Variants in SRPK2 observed in about 807,000 individuals in gnomAD.
SRPK2 encodes the protein SRSF protein kinase 2.
Under a neutral mutation model 90.8 loss-of-function variants are expected in SRPK2, and 21 were observed. The ratio of observed to expected loss-of-function variants is 0.23; its 90% CI spans 0.16 to 0.33. The LOEUF (loss-of-function observed/expected upper bound fraction) is 0.33. Ranked by LOEUF, SRPK2 falls within the 10% of genes least tolerant of loss-of-function variation. SRPK2 has a pLI of 1.00. For synonymous variants in SRPK2, 288 were observed against 311.1 expected, an observed-to-expected ratio of 0.93 and a Z score of 0.78; for missense variants, 620 against 869.0, an observed-to-expected ratio of 0.71 and a Z score of 3.60.
intron 2 of SRPK2, among the ~76,000 whole-genome samples, chr7:105,255,515 G>A (rs1212100316): frequency 6.6e-6 from 1 of 152,078 alleles, no homozygotes; most frequent in African/African-American, 2.4e-5. Context: ...ATAATGAGGT[G>A]GCAGTTTTGA....
chr7:105,169,914 G>C (rs1039266959), intron 3 of SRPK2, among the ~76,000 whole-genome samples: 4 of 152,066 alleles, frequency 2.6e-5, no homozygotes, highest in Non-Finnish European at 4.4e-5. Context: ...TTCCCAGGCT[G>C]AAGAGGTCCT....
At chr7:105,134,761 G>A (rs1454226898) in intron 11 of SRPK2, among the ~76,000 whole-genome samples, 1 of 152,210 alleles carries the variant, frequency 6.6e-6, no homozygotes, top group Non-Finnish European at 1.5e-5. Flanking sequence ...CCCTAGGGGG[G>A]CTCCAGAGGA....
In SRPK2 at chr7:105,117,767, T is replaced by TGA; in HGVS notation, c.*69_*70dup. The TGA allele has an allele frequency of 6.6e-7, 1 of 1,506,836 alleles. No individual in the cohort carries two copies. Among genetic ancestry groups the TGA allele is most frequent in the Non-Finnish European group, 9.2e-7 (1 of 1,092,094 alleles). 93.3% of individuals were successfully genotyped at this position (1,506,836 alleles called of 1,614,324 possible). A position where few individuals can be genotyped will look rare whatever the true frequency, so the allele number is the denominator to read the frequency against. ...GCTCACTTGTAATCCTGTTAAAGAA[T>TGA]GAGAGTCACCGTTTAGGTCCAATGT... On this transcript the variant is annotated 3_prime_UTR_variant, in exon 16 of 16. Transcript: ENST00000393651.
intron 2 of SRPK2, among the ~76,000 whole-genome samples, chr7:105,262,440 G>C (rs533253111): frequency 1.3e-5 from 2 of 152,276 alleles, no homozygotes; most frequent in South Asian, 2.1e-4. Flanking sequence ...GTGGCTCCAA[G>C]GCGGACGGCT....
intron 2 of SRPK2, among the ~76,000 whole-genome samples, chr7:105,317,924 T>A (rs1398123065): frequency 2.6e-5 from 4 of 151,692 alleles, no homozygotes; most frequent in Non-Finnish European, 4.4e-5. Flanking sequence ...AATTTTTGTA[T>A]TTTTTTAGTA....
intron 2 of SRPK2, among the ~76,000 whole-genome samples, chr7:105,326,213 G>T (rs965507376): frequency 1.3e-5 from 2 of 152,182 alleles, no homozygotes; most frequent in Non-Finnish European, 2.9e-5. Context: ...ACCTGGCCAA[G>T]CCACATTACA....
intron 8 of SRPK2, 145 bp downstream of exon 8, chr7:105,146,348 T>C (rs2009788334): frequency 9.7e-6 from 7 of 720,820 alleles, no homozygotes; most frequent in Admixed American, 9.2e-5. Flanking sequence ...GCATTTTCCA[T>C]TTCAAGGGTG....
intron 2 of SRPK2, among the ~76,000 whole-genome samples, chr7:105,360,427 G>A (rs1231784713): frequency 6.6e-6 from 1 of 152,178 alleles, no homozygotes; most frequent in Non-Finnish European, 1.5e-5. Flanking sequence ...TATGATGTTA[G>A]CTGGTTATTT....
At chr7:105,181,146 T>A (rs1051782752) in intron 3 of SRPK2, among the ~76,000 whole-genome samples, 1 of 152,086 alleles carries the variant, frequency 6.6e-6, no homozygotes, top group African/African-American at 2.4e-5. Flanking sequence ...ATTAGAGAAA[T>A]GCAAATTGAA....
In SRPK2 at chr7:105,203,776, A is replaced by T. The variant is rs753113715; in HGVS notation, c.81T>A (p.Pro27=). The change falls in exon 3 of 16, where the codon CCT becomes CCA. Residue 27 remains proline (P), a synonymous_variant. Coordinates refer to ENST00000393651, the MANE Select transcript of SRPK2 (RefSeq NM_182692.3). ...GAGGAACTAAAGGAGCTTTCTGTTG[A>T]GGCTCCGGCCTGAAAGAGCAGAGAG... ...KREKHPKKPE[P]QQKAPLVPPP... is the part of the protein sequence containing the mutation. The T allele has an allele frequency of 6.3e-7, 1 of 1,587,016 alleles. No individual in the cohort carries two copies. Among genetic ancestry groups the T allele is most frequent in the Non-Finnish European group, 8.6e-7 (1 of 1,166,208 alleles).
At chr7:105,224,301 T>C (rs1329595947) in intron 2 of SRPK2, among the ~76,000 whole-genome samples, 2 of 152,222 alleles carry the variant, frequency 1.3e-5, no homozygotes, top group Non-Finnish European at 2.9e-5. Flanking sequence ...ATTCAGAATC[T>C]GTAACCTTTA....
At chr7:105,221,820 C>T (rs752820102) in intron 2 of SRPK2, among the ~76,000 whole-genome samples, 11 of 152,098 alleles carry the variant, frequency 7.2e-5, no homozygotes, top group Non-Finnish European at 1.5e-4. Flanking sequence ...TATTTTTCTT[C>T]GGATTACCAA....
intron 2 of SRPK2, among the ~76,000 whole-genome samples, chr7:105,323,991 G>GTGTGTA (rs1224444092): frequency 3.8e-5 from 5 of 130,108 alleles, no homozygotes; most frequent in South Asian, 2.8e-4. Context: ...GTGTGTGTGT[G>GTGTGTA]TGTGTGTGTG....
chr7:105,159,464 A>ACAAAAAAAAAAAAAAAAAAC (rs1230460659), intron 7 of SRPK2, among the ~76,000 whole-genome samples: 1 of 141,598 alleles, frequency 7.1e-6, no homozygotes, highest in African/African-American at 2.9e-5. Flanking sequence ...AAAAAAAAAA[A>ACAAAAAAAAAAAAAAAAAAC]AAAAAAAAAC....
chr7:105,380,313 G>C (rs964688405), intron 2 of SRPK2, among the ~76,000 whole-genome samples: 3 of 151,960 alleles, frequency 2.0e-5, no homozygotes, highest in African/African-American at 7.2e-5. Context: ...TGTATTTTTA[G>C]TAGAGACGGG....
chr7:105,270,654 C>T (rs1051189113), intron 2 of SRPK2, among the ~76,000 whole-genome samples: 1 of 151,878 alleles, frequency 6.6e-6, no homozygotes, highest in African/African-American at 2.4e-5. Context: ...GATGATGCGC[C>T]CACCTCAGCC....
chr7:105,186,913 T>C (rs1563055231), intron 3 of SRPK2, among the ~76,000 whole-genome samples: 1 of 152,174 alleles, frequency 6.6e-6, no homozygotes, highest in East Asian at 1.9e-4. Flanking sequence ...AAGGCTGTCC[T>C]AGTTGTTTAT....
intron 2 of SRPK2, among the ~76,000 whole-genome samples, chr7:105,250,611 G>A (rs534516469): frequency 4.0e-4 from 61 of 152,228 alleles, no homozygotes; most frequent in African/African-American, 1.4e-3. Context: ...TCACACCAAG[G>A]AACTAAATGG....
intron 2 of SRPK2, among the ~76,000 whole-genome samples, chr7:105,341,625 T>C (rs1254693838): frequency 1.3e-5 from 2 of 152,096 alleles, no homozygotes; most frequent in Non-Finnish European, 2.9e-5. Flanking sequence ...TGAGCCAAGA[T>C]GGCATCACTG....
Sources: gnomAD v4.1 joint callset for allele counts (sites outside exome capture counted in the v4.1 genomes callset) on GRCh38, gnomAD v4.1.1 for gene constraint, MANE v1.5 for transcripts, NCBI Gene and HGNC (gene_info 2026-07-23, HGNC 2026-07-21) for gene names.